Variants in EPHA7 observed in about 807,000 individuals in gnomAD.
The protein encoded by EPHA7 is ephrin type-A receptor 7.
A neutral mutation model predicts 112.6 loss-of-function variants in EPHA7; 25 were observed. That is an observed-to-expected ratio of 0.22 (90% CI 0.16 to 0.31). EPHA7 has a LOEUF of 0.31. EPHA7 is among the 10% of genes least tolerant of loss of function. The pLI, the probability that EPHA7 is intolerant of heterozygous loss-of-function variation, is 1.00. For missense variants in EPHA7, 962 were observed against 1,212.6 expected (o/e 0.79, Z 3.07); for synonymous variants, 437 against 406.5 (o/e 1.07, Z -0.90).
intron 3 of EPHA7, among the ~76,000 whole-genome samples, chr6:93,395,575 T>TCACA (rs4053540): frequency 0.12 from 17,124 of 145,398 alleles, 979 homozygotes; most frequent in East Asian, 0.16. Context: ...TTTACTTATT[T>TCACA]CACACACACA....
intron 14 of EPHA7, among the ~76,000 whole-genome samples, chr6:93,253,852 C>A (rs1770322014): frequency 6.6e-6 from 1 of 151,986 alleles, no homozygotes; most frequent in South Asian, 2.1e-4. Context: ...ACTCATATTT[C>A]AATAGGTTGA....
Position 93,258,294 on chromosome 6 carries a change from C to G in EPHA7, c.1925-10G>C. ...ACTTCACCGAATTCTCCTGAAGTAACAGAACAAGCAGGCATATTTTAGTTT... is the reference window on the plus strand; with the variant it reads ...ACTTCACCGAATTCTCCTGAAGTAAGAGAACAAGCAGGCATATTTTAGTTT... On this transcript the variant is annotated splice_polypyrimidine_tract_variant and intron_variant, in intron 10 of 16. Transcript: ENST00000369303. The G allele has an allele frequency of 6.5e-7, 1 of 1,532,648 alleles. No individual in the cohort carries two copies. The highest frequency in any genetic ancestry group is 8.8e-7 in the Non-Finnish European group (1 of 1,140,124). The allele number at this position is 1,532,648 out of a possible 1,614,324, so 94.9% of individuals were successfully genotyped here.
In EPHA7 at chr6:93,240,288, C is replaced by G. The variant is rs1339152296; in HGVS notation, c.*3138G>C. 10 of 226,268 alleles carry G rather than the reference C, an allele frequency of 4.4e-5. No homozygotes were observed. Among genetic ancestry groups the G allele is most frequent in the Admixed American group, 1.1e-4 (2 of 17,502 alleles). 14.0% of individuals were successfully genotyped at this position (226,268 alleles called of 1,614,324 possible). A position where few individuals can be genotyped will look rare whatever the true frequency, so the allele number is the denominator to read the frequency against. ...CACATCAGTAATTTATTTGAACATG[C>G]ACATCAGTGAGTAGCATAGTTCTAG... is the stretch of plus-strand genomic sequence containing the variant. On this transcript the variant is annotated 3_prime_UTR_variant, in exon 17 of 17. Coordinates refer to ENST00000369303, the MANE Select transcript of EPHA7 (RefSeq NM_004440.4).
In EPHA7 at chr6:93,242,538, C is replaced by T. The variant is rs1334193885; in HGVS notation, c.*888G>A. 9.9e-6 allele frequency: 2 copies of T among 201,744 alleles called. No homozygotes were observed. The highest frequency in any genetic ancestry group is 4.6e-5 in the African/African-American group (2 of 43,596). 12.5% of individuals were successfully genotyped at this position (201,744 alleles called of 1,614,324 possible). On this transcript the variant is annotated 3_prime_UTR_variant, in exon 17 of 17. Coordinates refer to ENST00000369303, the MANE Select transcript of EPHA7 (RefSeq NM_004440.4). ...TTCTGCTTTCAGAGACTTGCCTTCA[C>T]CAACATTCTTCAGATGAAGTGCCTC...
At chr6:93,255,687 CAAAA>C in intron 13 of EPHA7, 137 bp downstream of exon 13, 1 of 690,444 alleles carries the variant, frequency 1.4e-6, no homozygotes, top group Middle Eastern at 3.9e-4. Flanking sequence ...AAACAAAAAA[CAAAA>C]AACAAAAAAA....
chr6:93,251,803 GAA>G (rs1199736370), intron 14 of EPHA7, among the ~76,000 whole-genome samples: 3 of 151,846 alleles, frequency 2.0e-5, no homozygotes, highest in Non-Finnish European at 4.4e-5. Context: ...ATTTTTCTTT[GAA>G]AAGTCATTAA....
At chr6:93,337,201 C>T (rs1774921259) in intron 5 of EPHA7, among the ~76,000 whole-genome samples, 1 of 152,102 alleles carries the variant, frequency 6.6e-6, no homozygotes, top group African/African-American at 2.4e-5. Flanking sequence ...AAGAAAGATC[C>T]ACAAGGATAA....
chr6:93,374,086 T>C (rs1776934598), intron 3 of EPHA7, among the ~76,000 whole-genome samples: 1 of 152,180 alleles, frequency 6.6e-6, no homozygotes. Context: ...ACTAGAGGTA[T>C]TTAACCAGAG....
chr6:93,283,387 C>G (rs889846186), intron 5 of EPHA7, among the ~76,000 whole-genome samples: 3 of 152,046 alleles, frequency 2.0e-5, no homozygotes, highest in Non-Finnish European at 4.4e-5. Flanking sequence ...GCAGGCTGCC[C>G]GAGCCAGCAG....
At position 93,278,134 on chromosome 6, in the gene EPHA7, TAATTA is replaced by T. The variant is rs367676515; in HGVS notation, c.1325-5717_1325-5713del. 1.2e-3 allele frequency among the ~76,000 whole-genome samples: 181 copies of T among 152,112 alleles called. 2 individuals are homozygous for T. In the East Asian group the frequency reaches 0.026, roughly 21 times the overall value. ...ATTGGAAACCAATTGTTTGGACATT[TAATTA>T]ATTATTATAGGAGTTAGCACTTCTC... is the stretch of plus-strand genomic sequence containing the variant. On this transcript the variant is annotated intron_variant, in intron 5 of 16. Transcript: ENST00000369303.
At chr6:93,315,322 A>G (rs1773756704) in intron 5 of EPHA7, among the ~76,000 whole-genome samples, 1 of 152,188 alleles carries the variant, frequency 6.6e-6, no homozygotes, top group African/African-American at 2.4e-5. Flanking sequence ...AACTAGGGTA[A>G]TTTCTTGTAA....
intron 5 of EPHA7, among the ~76,000 whole-genome samples, chr6:93,290,471 T>C (rs1045228726): frequency 6.6e-6 from 1 of 152,170 alleles, no homozygotes; most frequent in Non-Finnish European, 1.5e-5. Flanking sequence ...CAAAATGGCA[T>C]TGGAAATTTC....
In EPHA7 at chr6:93,410,449, A is replaced by G; in HGVS notation, c.832+52T>C. 6.7e-7 allele frequency: 1 copy of G among 1,484,224 alleles called. No homozygotes were observed. Among genetic ancestry groups the G allele is most frequent in the South Asian group, 1.3e-5 (1 of 79,928 alleles). 91.9% of individuals were successfully genotyped at this position (1,484,224 alleles called of 1,614,324 possible). A position where few individuals can be genotyped will look rare whatever the true frequency, so the allele number is the denominator to read the frequency against. ...TAACTATTAAAGTTTAAAATGTCTG[A>G]TACTGAAATTTAAAAAGGCAAAGTG... On this transcript the variant is annotated intron_variant, in intron 3 of 16. Transcript: ENST00000369303. The surrounding 1 kb of genome is among the most constrained non-coding windows in gnomAD (Gnocchi z 4.0).
At chr6:93,340,050 G>C (rs942926022) in intron 5 of EPHA7, among the ~76,000 whole-genome samples, 1 of 151,686 alleles carries the variant, frequency 6.6e-6, no homozygotes, top group African/African-American at 2.4e-5. Context: ...CATAGGGACA[G>C]ATGTTAATAA....
At chr6:93,405,831 A>G (rs867518996) in intron 3 of EPHA7, among the ~76,000 whole-genome samples, 30,170 of 125,428 alleles carry the variant, frequency 0.24, 3,988 homozygotes, top group Middle Eastern at 0.29. Flanking sequence ...ATATATATAT[A>G]TATATATATA....
chr6:93,304,315 G>T (rs955567107), intron 5 of EPHA7, among the ~76,000 whole-genome samples: 12 of 151,936 alleles, frequency 7.9e-5, no homozygotes, highest in African/African-American at 2.7e-4. Flanking sequence ...CTAGATTGAA[G>T]ACAGGAAGGC....
intron 5 of EPHA7, among the ~76,000 whole-genome samples, chr6:93,350,605 T>G (rs558157813): frequency 2.5e-4 from 38 of 152,062 alleles, no homozygotes; most frequent in Non-Finnish European, 4.3e-4. Flanking sequence ...TAAAACATAA[T>G]TCTTTTTGAG....
At chr6:93,347,276 C>G (rs548032366) in intron 5 of EPHA7, among the ~76,000 whole-genome samples, 1 of 151,792 alleles carries the variant, frequency 6.6e-6, no homozygotes, top group East Asian at 1.9e-4. Flanking sequence ...ATTGGATGTT[C>G]TGTTACCATC....
chr6:93,369,981 A>G (rs1391704065), intron 3 of EPHA7, among the ~76,000 whole-genome samples: 1 of 152,180 alleles, frequency 6.6e-6, no homozygotes, highest in Non-Finnish European at 1.5e-5. Context: ...GAGACACTTC[A>G]CTGGCTTTCA....
Sources: allele counts gnomAD v4.1 joint callset (sites outside exome capture counted in the v4.1 genomes callset), GRCh38; gene constraint gnomAD v4.1.1; non-coding constraint Gnocchi (gnomAD v3.1); transcripts MANE v1.5; gene names NCBI Gene and HGNC (gene_info 2026-07-23, HGNC 2026-07-21).